The following CPA6 variants were observed in gnomAD, a reference collection of about 807,000 sequenced individuals.
CPA6 encodes the protein carboxypeptidase B.
A neutral mutation model predicts 63.3 loss-of-function variants in CPA6; 58 were observed. That is an observed-to-expected ratio of 0.92 (90% CI 0.74 to 1.14). The LOEUF is 1.14. Ranked by LOEUF, CPA6 falls within the 50% of genes most tolerant of loss-of-function variation. CPA6 has a pLI of 0.00. For synonymous variants in CPA6, 185 were observed against 179.0 expected (o/e 1.03, Z -0.27); for missense variants, 565 against 526.6 (o/e 1.07, Z -0.71).
chr8:67,617,272 A>C (rs1006500959), intron 2 of CPA6, among the ~76,000 whole-genome samples: 5 of 152,180 alleles, frequency 3.3e-5, no homozygotes, highest in African/African-American at 1.2e-4. Flanking sequence ...TGTTTCTCTT[A>C]ATATGTATTT....
intron 2 of CPA6, among the ~76,000 whole-genome samples, chr8:67,532,893 C>T (rs1812508177): frequency 1.3e-5 from 2 of 152,024 alleles, no homozygotes; most frequent in Non-Finnish European, 2.9e-5. Flanking sequence ...TTGATTAGAA[C>T]AAGGCAAGGG....
At chr8:67,501,483 A>C (rs1811829167) in intron 6 of CPA6, among the ~76,000 whole-genome samples, 1 of 152,104 alleles carries the variant, frequency 6.6e-6, no homozygotes, top group South Asian at 2.1e-4. Context: ...AAATTTTGTC[A>C]AAGGCTTTCT....
At chr8:67,475,406 C>T (rs1025124866) in intron 8 of CPA6, among the ~76,000 whole-genome samples, 6 of 152,210 alleles carry the variant, frequency 3.9e-5, no homozygotes, top group Non-Finnish European at 7.3e-5. Context: ...GTGATAAAAG[C>T]TCCTGCTACA....
chr8:67,676,498 G>A (rs1011625739), intron 1 of CPA6, among the ~76,000 whole-genome samples: 1 of 152,216 alleles, frequency 6.6e-6, no homozygotes, highest in African/African-American at 2.4e-5. Flanking sequence ...TTCAAAAGGC[G>A]TAGCTTGTGT....
intron 2 of CPA6, among the ~76,000 whole-genome samples, chr8:67,606,032 T>C (rs1351178928): frequency 6.6e-6 from 1 of 152,032 alleles, no homozygotes; most frequent in Non-Finnish European, 1.5e-5. Context: ...AAGAATTCAA[T>C]TTTTGTCTTT....
chr8:67,426,112 G>A (rs899658803), intron 10 of CPA6, among the ~76,000 whole-genome samples: 14 of 152,098 alleles, frequency 9.2e-5, no homozygotes, highest in Non-Finnish European at 1.6e-4. Flanking sequence ...GGGATTACAG[G>A]TGCATGCCAC....
At chr8:67,517,887 C>A in intron 3 of CPA6, 36 bp downstream of exon 3, 1 of 1,576,140 alleles carries the variant, frequency 6.3e-7, no homozygotes. Flanking sequence ...AGTTTAGTAC[C>A]AATAAATTTT....
At chr8:67,713,699 A>G (rs1466625293) in intron 1 of CPA6, among the ~76,000 whole-genome samples, 1 of 152,238 alleles carries the variant, frequency 6.6e-6, no homozygotes, top group African/African-American at 2.4e-5. Context: ...AGTTTCCATC[A>G]TAGCATTTGA....
rs1439800113 is a variant in CPA6 at position 67,574,174 on chromosome 8, T to G, written c.192+50002A>C. 2.0e-5 allele frequency among the ~76,000 whole-genome samples: 3 copies of G among 151,786 alleles called. No homozygotes were observed. The East Asian group carries it at 5.8e-4, about 30-fold the overall frequency. ...AGGCAGATCACTTGATGTCAGGAGT[T>G]CAAAATCAGCCTGGGCAATATGGTA... On this transcript the variant is annotated intron_variant, in intron 2 of 10. Coordinates refer to ENST00000297770, the MANE Select transcript of CPA6 (RefSeq NM_020361.5).
intron 8 of CPA6, chr8:67,452,635 C>T (rs1199806259): frequency 5.3e-5 from 8 of 152,220 alleles, no homozygotes; most frequent in Non-Finnish European, 1.0e-4. Context: ...TAGAGAGCTT[C>T]CATTCCAGTG....
intron 1 of CPA6, among the ~76,000 whole-genome samples, chr8:67,626,552 C>T (rs868111837): frequency 4.6e-5 from 7 of 152,054 alleles, no homozygotes; most frequent in Admixed American, 3.9e-4. Flanking sequence ...AAGAAAGTAC[C>T]GGGAAAAAAT....
rs550284079 is a variant in CPA6, at chr8:67,568,743, T to G, written c.193-50696A>C. ...AAGAAAGAGAAAACGGGCCAGGAAG[T>G]TTTTTTTTATTACTTATTTATTTAG... On this transcript the variant is annotated intron_variant, in intron 2 of 10. Coordinates refer to ENST00000297770, the MANE Select transcript of CPA6 (RefSeq NM_020361.5). Among the ~76,000 whole-genome samples the G allele has an allele frequency of 3.3e-4, 50 of 151,028 alleles. 1 individual carries two copies. In the South Asian group the frequency reaches 0.01, roughly 32 times the overall value.
intron 10 of CPA6, among the ~76,000 whole-genome samples, chr8:67,424,430 CT>C (rs1279014628): frequency 1.3e-5 from 2 of 152,248 alleles, no homozygotes; most frequent in Admixed American, 1.3e-4. Flanking sequence ...AGCCCTCTGA[CT>C]TTCCCCCGTT....
chr8:67,529,061 G>A (rs1480880894), intron 2 of CPA6, among the ~76,000 whole-genome samples: 1 of 151,814 alleles, frequency 6.6e-6, no homozygotes, highest in African/African-American at 2.4e-5. Context: ...ACAAGAGCAT[G>A]CTCATGATTT....
At chr8:67,634,251 G>A (rs113757279) in intron 1 of CPA6, among the ~76,000 whole-genome samples, 4 of 145,592 alleles carry the variant, frequency 2.7e-5, no homozygotes, top group African/African-American at 2.6e-5. Context: ...ACGGAGTCTC[G>A]CTCTGTCGCC....
At chr8:67,637,490 T>G (rs1815495061) in intron 1 of CPA6, among the ~76,000 whole-genome samples, 1 of 151,648 alleles carries the variant, frequency 6.6e-6, no homozygotes, top group South Asian at 2.1e-4. Flanking sequence ...TAGTTCTTTC[T>G]TGTTGTATTT....
Position 67,715,920 on chromosome 8 carries a change from G to A in CPA6, c.116+30094C>T, listed in dbSNP as rs770329819. Among the ~76,000 whole-genome samples, 15 of 152,236 alleles carry A rather than the reference G, an allele frequency of 9.9e-5. No homozygotes were observed. The Middle Eastern group carries it at 0.01, about 104-fold the overall frequency. ...TGTAATCCCAACACTTTGGGAGGCC[G>A]AGACGGGTGGATCACCTAAGGTCAG... On this transcript the variant is annotated intron_variant, in intron 1 of 10. Coordinates refer to ENST00000297770, the MANE Select transcript of CPA6 (RefSeq NM_020361.5).
At chr8:67,486,714 A>C (rs1157446303) in intron 6 of CPA6, among the ~76,000 whole-genome samples, 1 of 152,198 alleles carries the variant, frequency 6.6e-6, no homozygotes, top group East Asian at 1.9e-4. Context: ...TATTTGAATT[A>C]TTAGTTCCCT....
chr8:67,685,383 C>T (rs1021201233), intron 1 of CPA6, among the ~76,000 whole-genome samples: 2 of 152,028 alleles, frequency 1.3e-5, no homozygotes, highest in East Asian at 1.9e-4. Flanking sequence ...TTTGGGAGGC[C>T]GAGGCAGGTG....
Sources: allele counts gnomAD v4.1 joint callset (sites outside exome capture counted in the v4.1 genomes callset), GRCh38; gene constraint gnomAD v4.1.1; transcripts MANE v1.5; gene names NCBI Gene and HGNC (gene_info 2026-07-23, HGNC 2026-07-21).